The following MARK1 variants were observed in gnomAD, a reference collection of about 807,000 sequenced individuals.
The protein encoded by MARK1 is serine/threonine-protein kinase MARK1.
MARK1 carries 40 observed loss-of-function variants against 96.3 expected under a neutral mutation model. That is an observed-to-expected ratio of 0.42 (90% confidence interval 0.32 to 0.54). MARK1 has a LOEUF of 0.54. Among genes scored for constraint, MARK1 ranks in the 20% least tolerant of loss-of-function variants. The pLI is 0.16. For synonymous variants in MARK1, 317 were observed against 341.2 expected (o/e 0.93, Z 0.78); for missense variants, 719 against 984.6 (o/e 0.73, Z 3.61).
At chr1:220,606,489 A>G (rs913887826) in intron 6 of MARK1, among the ~76,000 whole-genome samples, 4 of 152,054 alleles carry the variant, frequency 2.6e-5, no homozygotes, top group African/African-American at 7.2e-5. Flanking sequence ...GTTCACTCTG[A>G]TGGTAGTTTC....
At chr1:220,543,862 C>T (rs1489803033) in intron 1 of MARK1, among the ~76,000 whole-genome samples, 6 of 152,316 alleles carry the variant, frequency 3.9e-5, no homozygotes, top group Non-Finnish European at 5.9e-5. Flanking sequence ...CTAGGAATTT[C>T]TCCAAACCCT....
chr1:220,597,225 A>G (rs767101652), intron 3 of MARK1, among the ~76,000 whole-genome samples: 1 of 152,130 alleles, frequency 6.6e-6, no homozygotes, highest in Non-Finnish European at 1.5e-5. Context: ...GGTATATGAC[A>G]TATACCCAGA....
chr1:220,635,404 G>A lies in MARK1; in HGVS notation c.1151G>A (p.Gly384Glu), dbSNP rs753792743. 4 of 1,610,396 alleles carry A rather than the reference G, an allele frequency of 2.5e-6. No homozygotes were observed. Among genetic ancestry groups the A allele is most frequent in the African/African-American group, 1.3e-5 (1 of 74,454 alleles). ...EFEGGESLSS[G>E]NLCQRSRPSS... ...GAAGGTGGTGAATCGTTATCCAGTGGAAACTTGTGTCAGAGGTCCCGGCCC... is the reference window on the plus strand; with the variant it reads ...GAAGGTGGTGAATCGTTATCCAGTGAAAACTTGTGTCAGAGGTCCCGGCCC... Residue 384 changes from glycine (G) to glutamate (E), a missense_variant, in exon 12 of 18, where the codon GGA becomes GAA. Transcript: ENST00000366917.
chr1:220,540,606 A>G (rs535699787), intron 1 of MARK1, among the ~76,000 whole-genome samples: 5 of 152,248 alleles, frequency 3.3e-5, no homozygotes, highest in African/African-American at 1.2e-4. Flanking sequence ...CATTTCTTCT[A>G]TGTTATCTGA....
intron 6 of MARK1, among the ~76,000 whole-genome samples, chr1:220,610,996 T>C (rs1438944661): frequency 1.3e-5 from 2 of 152,332 alleles, no homozygotes; most frequent in East Asian, 1.9e-4. Context: ...CAGCCCCTAC[T>C]GGGAGGTGTC....
chr1:220,534,842 C>A (rs1186605876), intron 1 of MARK1, among the ~76,000 whole-genome samples: 1 of 152,156 alleles, frequency 6.6e-6, no homozygotes, highest in African/African-American at 2.4e-5. Context: ...CATGTTATAG[C>A]ATATGACAGG....
At chr1:220,652,272 T>C in intron 15 of MARK1, 122 bp downstream of exon 15, 6 of 716,710 alleles carry the variant, frequency 8.4e-6, no homozygotes, top group Non-Finnish European at 1.2e-5. Flanking sequence ...GTGTTTGTTA[T>C]GGAGGAAAAA....
chr1:220,534,878 A>G (rs1316598875), intron 1 of MARK1, among the ~76,000 whole-genome samples: 3 of 152,152 alleles, frequency 2.0e-5, no homozygotes, highest in Non-Finnish European at 2.9e-5. Flanking sequence ...ATAGCTGAAT[A>G]ATATTCCATT....
intron 1 of MARK1, among the ~76,000 whole-genome samples, chr1:220,533,142 T>G (rs1024524131): frequency 3.3e-5 from 5 of 152,366 alleles, no homozygotes; most frequent in African/African-American, 1.2e-4. Flanking sequence ...TGCCTTGCAC[T>G]TGTCCCTTCA....
chr1:220,595,055 T>C (rs1371484402), intron 3 of MARK1, among the ~76,000 whole-genome samples: 1 of 152,110 alleles, frequency 6.6e-6, no homozygotes, highest in Admixed American at 6.5e-5. Context: ...AATGTACCTC[T>C]CTGGTTTGGG....
At chr1:220,585,130 G>C (rs987880619) in intron 3 of MARK1, among the ~76,000 whole-genome samples, 2 of 152,172 alleles carry the variant, frequency 1.3e-5, no homozygotes, top group African/African-American at 2.4e-5. Flanking sequence ...TAAAGGTGGG[G>C]ATATTCTGCA....
chr1:220,617,428 G>C (rs946229725), intron 7 of MARK1, among the ~76,000 whole-genome samples: 2 of 152,010 alleles, frequency 1.3e-5, no homozygotes, highest in African/African-American at 4.8e-5. Flanking sequence ...TCTGATTTTT[G>C]TTTTAGTCAA....
chr1:220,539,787 C>G (rs1661006605), intron 1 of MARK1, among the ~76,000 whole-genome samples: 1 of 150,678 alleles, frequency 6.6e-6, no homozygotes, highest in Non-Finnish European at 1.5e-5. Context: ...TTTTTTTTTC[C>G]TGAGAATTTT....
rs1669546881 is a variant in MARK1, at chr1:220,662,793, G to A, written c.*627G>A. 6.6e-6 allele frequency: 1 copy of A among 152,516 alleles called. No homozygotes were observed. 9.4% of individuals were successfully genotyped at this position (152,516 alleles called of 1,614,324 possible). On this transcript the variant is annotated 3_prime_UTR_variant, in exon 18 of 18. Coordinates refer to ENST00000366917, the MANE Select transcript of MARK1 (RefSeq NM_018650.5). ...AAGATACAAAATGTTTACAGTGTTG[G>A]CACTTAGAGTTTTTAAATTCAAGTA...
intron 5 of MARK1, among the ~76,000 whole-genome samples, chr1:220,603,404 A>G (rs567230121): frequency 6.6e-5 from 10 of 152,180 alleles, no homozygotes; most frequent in Non-Finnish European, 1.5e-4. Context: ...GTGTTCTGCC[A>G]TGAAGATGAA....
At chr1:220,578,920 G>A (rs572136553) in intron 1 of MARK1, among the ~76,000 whole-genome samples, 57 of 152,272 alleles carry the variant, frequency 3.7e-4, no homozygotes, top group Admixed American at 1.2e-3. Context: ...TTGGCTCACT[G>A]CAACTTCCGC....
At chr1:220,651,864 A>T (rs757673029) in intron 14 of MARK1, 122 bp from the exon 15 acceptor site, 8 of 617,502 alleles carry the variant, frequency 1.3e-5, no homozygotes, top group Non-Finnish European at 1.9e-5. Context: ...TTTCTTTCAA[A>T]TGTTTCAGTC....
chr1:220,542,791 T>C (rs528528822), intron 1 of MARK1, among the ~76,000 whole-genome samples: 3 of 152,304 alleles, frequency 2.0e-5, no homozygotes, highest in African/African-American at 7.2e-5. Context: ...AAAAAATAGA[T>C]ACTATTTTGG....
chr1:220,638,688 A>T (rs374667197), intron 13 of MARK1, among the ~76,000 whole-genome samples: 14 of 152,104 alleles, frequency 9.2e-5, no homozygotes, highest in African/African-American at 2.4e-4. Flanking sequence ...TCATTTTTTT[A>T]AAAAAAACAT....
Sources: allele counts gnomAD v4.1 joint callset (sites outside exome capture counted in the v4.1 genomes callset), GRCh38; gene constraint gnomAD v4.1.1; transcripts MANE v1.5; gene names NCBI Gene and HGNC (gene_info 2026-07-23, HGNC 2026-07-21).